CHST8: variants seen among roughly 807,000 people sequenced by gnomAD.
The protein encoded by CHST8 is GALNAC-4-ST1.
Under a neutral mutation model 15.0 loss-of-function variants are expected in CHST8, and 10 were observed. The observed-to-expected ratio is 0.67, with a 90% CI of 0.41 to 1.13. CHST8 has a LOEUF of 1.13. CHST8 is among the 50% of genes most tolerant of loss of function. The pLI, the probability that CHST8 is intolerant of heterozygous loss-of-function variation, is 0.00. For missense variants in CHST8, 634 were observed against 608.2 expected (o/e 1.04, Z -0.45); for synonymous variants, 259 against 256.6 (o/e 1.01, Z -0.09).
At chr19:33,767,346 C>T (rs1400757027) in intron 3 of CHST8, among the ~76,000 whole-genome samples, 1 of 152,188 alleles carries the variant, frequency 6.6e-6, no homozygotes, top group African/African-American at 2.4e-5. Flanking sequence ...TAGAGAGGAG[C>T]GGGCAAGAGA....
intron 2 of CHST8, among the ~76,000 whole-genome samples, chr19:33,674,805 G>T (rs1318874918): frequency 6.6e-6 from 1 of 152,194 alleles, no homozygotes. Flanking sequence ...ACCTGACCTT[G>T]GGCAGCAACT....
intron 3 of CHST8, among the ~76,000 whole-genome samples, chr19:33,719,259 G>T (rs192360347): frequency 1.2e-3 from 190 of 152,076 alleles, no homozygotes; most frequent in African/African-American, 4.4e-3. Context: ...TGGGCCGGGT[G>T]GGGGAGCCCT....
At chr19:33,660,348 C>T (rs757902409) in intron 1 of CHST8, among the ~76,000 whole-genome samples, 1 of 152,094 alleles carries the variant, frequency 6.6e-6, no homozygotes, top group Non-Finnish European at 1.5e-5. Flanking sequence ...TCCATTCCTG[C>T]GCCGCTCTTG....
At chr19:33,680,799 T>C (rs1265498098) in intron 2 of CHST8, among the ~76,000 whole-genome samples, 1 of 152,208 alleles carries the variant, frequency 6.6e-6, no homozygotes, top group Non-Finnish European at 1.5e-5. Context: ...AATGACTATC[T>C]CTTATTTACG....
intron 3 of CHST8, among the ~76,000 whole-genome samples, chr19:33,705,108 C>G (rs1365913393): frequency 6.6e-6 from 1 of 152,116 alleles, no homozygotes. Context: ...GACCTGCCCC[C>G]TAGGCCCTAT....
In CHST8 at chr19:33,772,732, T is replaced by C. The variant is rs751588317; in HGVS notation, c.944T>C (p.Leu315Pro). 1.2e-6 allele frequency: 2 copies of C among 1,613,404 alleles called. No individual in the cohort carries two copies. The highest frequency in any genetic ancestry group is 1.7e-6 in the Non-Finnish European group (2 of 1,179,966). Residue 315 changes from leucine to proline, a missense_variant, in exon 5 of 5, where the codon CTG becomes CCG. By Grantham distance (98) the Leu-to-Pro change is moderately conservative (BLOSUM62 -3). Transcript: ENST00000650847. ...GVRFPEFVQYLLDVHRPVGMD... is the reference protein window; with the variant it reads ...GVRFPEFVQYPLDVHRPVGMD... ...CGTTTTCCCGAGTTCGTCCAGTACC[T>C]GCTGGACGTGCACCGGCCCGTGGGG...
At chr19:33,680,572 G>T (rs1201207423) in intron 2 of CHST8, among the ~76,000 whole-genome samples, 1 of 152,188 alleles carries the variant, frequency 6.6e-6, no homozygotes, top group East Asian at 1.9e-4. Context: ...TATCCACAGG[G>T]TAATTCATAA....
intron 3 of CHST8, among the ~76,000 whole-genome samples, chr19:33,760,035 T>C (rs1974684156): frequency 6.6e-6 from 1 of 152,060 alleles, no homozygotes; most frequent in Non-Finnish European, 1.5e-5. Context: ...CCCTCCACTG[T>C]TTCATCATCC....
chr19:33,771,065 G>A (rs1222288401), intron 3 of CHST8, among the ~76,000 whole-genome samples: 1 of 152,158 alleles, frequency 6.6e-6, no homozygotes, highest in Admixed American at 6.5e-5. Flanking sequence ...TGGGGTGCAG[G>A]AGGAGGTGGC....
intron 3 of CHST8, among the ~76,000 whole-genome samples, chr19:33,736,956 C>T (rs535430151): frequency 5.3e-5 from 8 of 152,154 alleles, no homozygotes; most frequent in Non-Finnish European, 8.8e-5. Flanking sequence ...AAGCAACCTC[C>T]GGTTACCCTT....
intron 3 of CHST8, among the ~76,000 whole-genome samples, chr19:33,744,006 G>T (rs548374872): frequency 1.3e-5 from 2 of 151,982 alleles, no homozygotes; most frequent in Admixed American, 1.3e-4. Context: ...GACCAGGCTG[G>T]TCTCGAACTC....
chr19:33,677,872 G>A (rs570213967), intron 2 of CHST8, among the ~76,000 whole-genome samples: 1 of 152,218 alleles, frequency 6.6e-6, no homozygotes, highest in Non-Finnish European at 1.5e-5. Flanking sequence ...GCAGAGGCAG[G>A]ATATTCACAG....
intron 3 of CHST8, among the ~76,000 whole-genome samples, chr19:33,710,144 C>G (rs1053085218): frequency 1.3e-4 from 20 of 152,180 alleles, no homozygotes; most frequent in African/African-American, 4.8e-4. Flanking sequence ...TTTAGCATAA[C>G]AGTGTTCATA....
chr19:33,704,832 C>T (rs1014617534), intron 3 of CHST8, among the ~76,000 whole-genome samples: 4 of 151,554 alleles, frequency 2.6e-5, no homozygotes, highest in Non-Finnish European at 4.4e-5. Context: ...ATAGCTTGAA[C>T]CCAGGAGGTG....
At chr19:33,660,396 G>A (rs73589026) in intron 1 of CHST8, among the ~76,000 whole-genome samples, 4,601 of 152,196 alleles carry the variant, frequency 0.03, 206 homozygotes, top group African/African-American at 0.099. Context: ...GATGCCGTTC[G>A]TGGTGGGGGC....
chr19:33,769,633 A>G (rs1437136846), intron 3 of CHST8, among the ~76,000 whole-genome samples: 1 of 151,308 alleles, frequency 6.6e-6, no homozygotes, highest in African/African-American at 2.4e-5. Context: ...AGGGAAATAG[A>G]CTCTGGGCAT....
At position 33,717,820 on chromosome 19, in the gene CHST8, C is replaced by T. The variant is rs116791920; in HGVS notation, c.130+28429C>T. On this transcript the variant is annotated intron_variant, in intron 3 of 4. Coordinates refer to ENST00000650847, the MANE Select transcript of CHST8 (RefSeq NM_001127895.2). ...TCAGGGTGTCATATGAAACTACTGC[C>T]TGGAATTTTTATTCTCCTGTGGCCA... is the stretch of plus-strand genomic sequence containing the variant. 4.6e-3 allele frequency among the ~76,000 whole-genome samples: 704 copies of T among 152,248 alleles called. 4 individuals carry two copies. Among genetic ancestry groups the T allele is most frequent in the African/African-American group, 0.015 (635 of 41,544 alleles).
chr19:33,647,161 G>A (rs753693012), intron 1 of CHST8, among the ~76,000 whole-genome samples: 32 of 152,302 alleles, frequency 2.1e-4, no homozygotes, highest in Admixed American at 5.2e-4. Flanking sequence ...CGAGGTCAGC[G>A]AGGGAGTGCA....
At chr19:33,657,473 T>C (rs117875173) in intron 1 of CHST8, among the ~76,000 whole-genome samples, 1 of 151,706 alleles carries the variant, frequency 6.6e-6, no homozygotes, top group Non-Finnish European at 1.5e-5. Flanking sequence ...GGTTTCGTTA[T>C]GTTGACCAGG....
Sources: allele counts gnomAD v4.1 joint callset (sites outside exome capture counted in the v4.1 genomes callset), GRCh38; gene constraint gnomAD v4.1.1; transcripts MANE v1.5; gene names NCBI Gene and HGNC (gene_info 2026-07-23, HGNC 2026-07-21).